Variants in KCNAB1 observed in about 807,000 individuals in gnomAD.
KCNAB1 encodes voltage-gated potassium channel subunit beta-1.
A neutral mutation model predicts 64.6 loss-of-function variants in KCNAB1; 35 were observed. The ratio of observed to expected loss-of-function variants is 0.54; its 90% CI spans 0.41 to 0.72. KCNAB1 has a LOEUF of 0.72. KCNAB1 is among the 30% of genes least tolerant of loss of function. The pLI is 0.00. For synonymous variants in KCNAB1, 177 were observed against 183.8 expected (o/e 0.96, Z 0.30); for missense variants, 401 against 512.9 (o/e 0.78, Z 2.11).
upstream of KCNAB1, among the ~76,000 whole-genome samples, chr3:156,119,505 T>A (rs923259838): frequency 6.6e-6 from 1 of 152,194 alleles, no homozygotes; most frequent in African/African-American, 2.4e-5. Flanking sequence ...CTCTAAGGAC[T>A]TGCTATAACT....
intron 3 of KCNAB1, among the ~76,000 whole-genome samples, chr3:156,455,520 A>G (rs1361992140): frequency 6.6e-6 from 1 of 152,198 alleles, no homozygotes; most frequent in African/African-American, 2.4e-5. Flanking sequence ...TAATGATGAG[A>G]GCATATTAAC....
At chr3:156,188,212 GT>G (rs568042261) in intron 1 of KCNAB1, among the ~76,000 whole-genome samples, 70 of 144,076 alleles carry the variant, frequency 4.9e-4, no homozygotes, top group African/African-American at 8.6e-4. Flanking sequence ...TCCCTGTGGG[GT>G]TTTTTTTTTT....
At position 156,516,303 on chromosome 3, in the gene KCNAB1, G is replaced by GT; in HGVS notation, c.900dup (p.Gly301TrpfsTer13). The GT allele has an allele frequency of 6.2e-7, 1 of 1,614,064 alleles. No homozygotes were observed. Among genetic ancestry groups the GT allele is most frequent in the Non-Finnish European group, 8.5e-7 (1 of 1,179,934 alleles). On this transcript the variant is annotated frameshift_variant, in exon 11 of 14. Transcript: ENST00000490337. LOFTEE classifies it high-confidence loss of function. ...GCAATGACATGGTCTCCACTTGCCTGTGGAATCATCTCAGGAAAATACGGA... is the reference window on the plus strand; with the variant it reads ...GCAATGACATGGTCTCCACTTGCCTGTTGGAATCATCTCAGGAAAATACGGA...
intron 1 of KCNAB1, among the ~76,000 whole-genome samples, chr3:156,419,542 C>G (rs1701546382): frequency 6.6e-6 from 1 of 151,556 alleles, no homozygotes; most frequent in Non-Finnish European, 1.5e-5. Flanking sequence ...AAAGAAAAAT[C>G]TCTGAACTAT....
chr3:156,425,147 C>T (rs1715728002), intron 2 of KCNAB1, among the ~76,000 whole-genome samples: 1 of 152,210 alleles, frequency 6.6e-6, no homozygotes, highest in Non-Finnish European at 1.5e-5. Flanking sequence ...CTTAGGATGT[C>T]AGCTCAGTCA....
chr3:156,362,046 A>G (rs1469734694), intron 1 of KCNAB1, among the ~76,000 whole-genome samples: 1 of 152,214 alleles, frequency 6.6e-6, no homozygotes, highest in East Asian at 1.9e-4. Context: ...ATACAATTGT[A>G]AAAAAACTAG....
intron 1 of KCNAB1, among the ~76,000 whole-genome samples, chr3:156,194,940 C>A (rs1022780300): frequency 2.0e-5 from 3 of 152,058 alleles, no homozygotes; most frequent in African/African-American, 7.2e-5. Flanking sequence ...TCTCCTTTCC[C>A]CCCACCCCCA....
At chr3:156,283,037 G>A (rs1719847208) in intron 1 of KCNAB1, among the ~76,000 whole-genome samples, 1 of 151,128 alleles carries the variant, frequency 6.6e-6, no homozygotes, top group Admixed American at 6.6e-5. Context: ...TTGCTCGTTA[G>A]TTGATGCAGT....
intron 1 of KCNAB1, among the ~76,000 whole-genome samples, chr3:156,200,275 G>A (rs1429078190): frequency 6.6e-6 from 1 of 152,216 alleles, no homozygotes; most frequent in Admixed American, 6.5e-5. Context: ...GCTAGGAGGT[G>A]TCTCCCAGTT....
At chr3:156,368,328 C>T (rs1369980302) in intron 1 of KCNAB1, among the ~76,000 whole-genome samples, 1 of 152,174 alleles carries the variant, frequency 6.6e-6, no homozygotes, top group Non-Finnish European at 1.5e-5. Context: ...TCAACGAATG[C>T]ATCTGTGCAT....
chr3:156,533,773 G>A (rs1438021485), intron 13 of KCNAB1, among the ~76,000 whole-genome samples: 1 of 152,082 alleles, frequency 6.6e-6, no homozygotes, highest in Non-Finnish European at 1.5e-5. Context: ...AGAAGAGGGA[G>A]GAATTGAGGA....
At chr3:156,284,895 C>A (rs1720003322) in intron 1 of KCNAB1, among the ~76,000 whole-genome samples, 1 of 152,316 alleles carries the variant, frequency 6.6e-6, no homozygotes, top group African/African-American at 2.4e-5. Context: ...GAACCCGGTA[C>A]CTCAGATGGA....
intron 8 of KCNAB1, among the ~76,000 whole-genome samples, chr3:156,490,493 A>T (rs1715553083): frequency 1.3e-5 from 2 of 152,136 alleles, no homozygotes; most frequent in African/African-American, 4.8e-5. Context: ...ACTTGGTGAT[A>T]TAAGAGAAGG....
chr3:156,475,308 T>C (rs1014279842), intron 8 of KCNAB1, among the ~76,000 whole-genome samples: 3 of 152,190 alleles, frequency 2.0e-5, no homozygotes, highest in Non-Finnish European at 4.4e-5. Flanking sequence ...AGTTTGATTG[T>C]TGAGTCTCAA....
At position 156,229,823 on chromosome 3, in the gene KCNAB1, C is replaced by T. The variant is rs543703115; in HGVS notation, c.275+108937C>T. Reference sequence around the variant, plus strand: ...TGCCTAGAGGTACTTGTTTGGGTAGCAAGATATTGCCAACCCTGCAATTAT... The same window carrying T: ...TGCCTAGAGGTACTTGTTTGGGTAGTAAGATATTGCCAACCCTGCAATTAT... On this transcript the variant is annotated intron_variant, in intron 1 of 13. Coordinates refer to ENST00000490337, the MANE Select transcript of KCNAB1 (RefSeq NM_172160.3). 2.0e-5 allele frequency among the ~76,000 whole-genome samples: 3 copies of T among 152,064 alleles called. No homozygotes were observed. The South Asian group carries it at 6.2e-4, about 32-fold the overall frequency.
At chr3:156,524,170 T>C (rs140921829) in intron 12 of KCNAB1, 107 of 474,220 alleles carry the variant, frequency 2.3e-4, no homozygotes, top group African/African-American at 1.7e-3. Context: ...TCTTATAACA[T>C]AGTTTAAATG....
chr3:156,288,242 A>G (rs1432968821), intron 1 of KCNAB1, among the ~76,000 whole-genome samples: 1 of 152,066 alleles, frequency 6.6e-6, no homozygotes, highest in African/African-American at 2.4e-5. Flanking sequence ...ACCTCACTTT[A>G]CCTCAGTTAC....
At chr3:156,312,336 G>A (rs544621509) in intron 1 of KCNAB1, among the ~76,000 whole-genome samples, 6 of 152,300 alleles carry the variant, frequency 3.9e-5, no homozygotes, top group Admixed American at 1.3e-4. Flanking sequence ...TTTAAATAGC[G>A]TGAAAAGTGA....
chr3:156,457,750 A>G (rs1415005941), intron 4 of KCNAB1, among the ~76,000 whole-genome samples: 1 of 152,162 alleles, frequency 6.6e-6, no homozygotes, highest in Non-Finnish European at 1.5e-5. Flanking sequence ...TGGACCCTGT[A>G]TGAAGAATGG....
Sources: allele counts gnomAD v4.1 joint callset (sites outside exome capture counted in the v4.1 genomes callset), GRCh38; gene constraint gnomAD v4.1.1; transcripts MANE v1.5; gene names NCBI Gene and HGNC (gene_info 2026-07-23, HGNC 2026-07-21).